Variants in TOP3A observed in about 807,000 individuals in gnomAD.
TOP3A encodes the protein DNA topoisomerase 3-alpha.
A neutral mutation model predicts 111.3 loss-of-function variants in TOP3A; 64 were observed. The ratio of observed to expected loss-of-function variants is 0.57; its 90% confidence interval spans 0.47 to 0.71. TOP3A has a LOEUF of 0.71. Among genes scored for constraint, TOP3A ranks in the 30% least tolerant of loss-of-function variants. The pLI, the probability that TOP3A is intolerant of heterozygous loss-of-function variation, is 0.00. For synonymous variants in TOP3A, 484 were observed against 485.1 expected, an observed-to-expected ratio of 1.00 and a Z score of 0.03; for missense variants, 1,104 against 1,285.0, an observed-to-expected ratio of 0.86 and a Z score of 2.15.
In TOP3A at chr17:18,290,865, G is replaced by C. The variant is rs1381813142; in HGVS notation, c.1444C>G (p.Pro482Ala). 1.9e-6 allele frequency: 3 copies of C among 1,614,058 alleles called. No homozygotes were observed. The highest frequency in any genetic ancestry group is 1.7e-6 in the Non-Finnish European group (2 of 1,180,046). The change falls in exon 12 of 19, where the codon CCA (proline) becomes GCA (alanine). Residue 482 changes from proline (P) to alanine (A), a missense_variant. Pro to Ala is a conservative substitution (Grantham distance 27). Transcript: ENST00000321105. ...ILARNYLDVY[P>A]YDHWSDKILP... ...ACCTTGTCACTCCAGTGATCATATG[G>C]ATACACATCCAGATAGTTTCGGGCC...
Position 18,300,810 on chromosome 17 carries a change from G to T in TOP3A, c.915+1075C>A, listed in dbSNP as rs528269229. Among the ~76,000 whole-genome samples the T allele has an allele frequency of 5.3e-5, 8 of 152,222 alleles. No homozygotes were observed. In the South Asian group the frequency reaches 1.7e-3, roughly 32 times the overall value. The stretch of plus-strand genomic sequence containing the variant: ...ACAAATAATTGTACAGTGTCACAGA[G>T]ACTCCCAGTGGTCCAGGGTCAAAGG... On this transcript the variant is annotated intron_variant, in intron 8 of 18. Coordinates refer to ENST00000321105, the MANE Select transcript of TOP3A (RefSeq NM_004618.5).
intron 4 of TOP3A, chr17:18,306,568 A>G (rs548489094): frequency 7.6e-5 from 16 of 209,650 alleles, no homozygotes; most frequent in Non-Finnish European, 1.4e-4. Flanking sequence ...GGGTCTCACT[A>G]TGTTGCCCAG....
Position 18,283,142 on chromosome 17 carries a change from G to A in TOP3A, c.1878-301C>T, listed in dbSNP as rs142948735. Reference sequence around the variant, plus strand: ...ACGCCTGTAATCCCAGGCCGAGGCGGGCGGATCACCTGAGGTTGTAATTTC... The same window carrying A: ...ACGCCTGTAATCCCAGGCCGAGGCGAGCGGATCACCTGAGGTTGTAATTTC... On this transcript the variant is annotated intron_variant, in intron 15 of 18. Transcript: ENST00000321105. 5.1e-3 allele frequency among the ~76,000 whole-genome samples: 780 copies of A among 152,282 alleles called. 7 individuals are homozygous for A. The highest frequency in any genetic ancestry group is 0.018 in the African/African-American group (759 of 41,552).
At chr17:18,288,859 A>G (rs1404613446) in intron 13 of TOP3A, among the ~76,000 whole-genome samples, 1 of 152,184 alleles carries the variant, frequency 6.6e-6, no homozygotes, top group Non-Finnish European at 1.5e-5. Flanking sequence ...TTGAGAACTT[A>G]AAAAATGAGG....
intron 17 of TOP3A, among the ~76,000 whole-genome samples, chr17:18,279,818 C>G (rs551815153): frequency 6.6e-6 from 1 of 152,316 alleles, no homozygotes; most frequent in African/African-American, 2.4e-5. Flanking sequence ...TCCTGACCAG[C>G]TTGGCCTATA....
At chr17:18,276,170 A>C (rs1979361892) in intron 18 of TOP3A, among the ~76,000 whole-genome samples, 1 of 152,194 alleles carries the variant, frequency 6.6e-6, no homozygotes, top group Admixed American at 6.5e-5. Context: ...AAACCCAAGC[A>C]AGCTGGCCTG....
chr17:18,275,609 G>A (rs1294611188), intron 18 of TOP3A, among the ~76,000 whole-genome samples: 2 of 151,640 alleles, frequency 1.3e-5, no homozygotes, highest in South Asian at 4.2e-4. Flanking sequence ...TGATCCGCCC[G>A]CCTTGGCCTC....
Position 18,273,462 on chromosome 17 carries a change from A to T in TOP3A, c.*1340T>A, listed in dbSNP as rs573097744. Reference sequence around the variant, plus strand: ...CTCAGTGCTTACCATGTGGAAAGGGAGGAAGGGCTCTCCACATGGGACACA... The same window carrying T: ...CTCAGTGCTTACCATGTGGAAAGGGTGGAAGGGCTCTCCACATGGGACACA... On this transcript the variant is annotated 3_prime_UTR_variant, in exon 19 of 19. Transcript: ENST00000321105. The T allele has an allele frequency of 2.6e-5, 4 of 152,182 alleles. No individual in the cohort carries two copies. The highest frequency in any genetic ancestry group is 5.9e-5 in the Non-Finnish European group (4 of 68,048). The allele number at this position is 152,182 out of a possible 1,614,324, so 9.4% of individuals were successfully genotyped here. A position where few individuals can be genotyped will look rare whatever the true frequency, so the allele number is the denominator to read the frequency against.
chr17:18,302,387 G>A lies in TOP3A; in HGVS notation c.691C>T (p.Pro231Ser), dbSNP rs1381198917. 1.3e-5 allele frequency: 21 copies of A among 1,613,312 alleles called. No homozygotes were observed. Among genetic ancestry groups the A allele is most frequent in the Non-Finnish European group, 1.8e-5 (21 of 1,179,978 alleles). ...FQTLRLQRIF[P>S]EVLAEQLISY... ...ATGAGCTGCTCTGCCAGCACCTCAG[G>A]AAAAATCCTCTGAAGCCGCAGGGTC... Residue 231 changes from proline to serine, a missense_variant, in exon 7 of 19, where the codon CCT becomes TCT. Coordinates refer to ENST00000321105, the MANE Select transcript of TOP3A (RefSeq NM_004618.5).
intron 7 of TOP3A, 35 bp from the exon 8 acceptor site, chr17:18,302,020 C>T: frequency 6.3e-7 from 1 of 1,586,882 alleles, no homozygotes. Flanking sequence ...AAGGCTGTGT[C>T]TCAGAGACAT....
intron 3 of TOP3A, among the ~76,000 whole-genome samples, chr17:18,307,762 T>G (rs1219737180): frequency 2.7e-5 from 4 of 150,406 alleles, no homozygotes; most frequent in African/African-American, 7.4e-5. Flanking sequence ...TAGAAAAAAT[T>G]AGCTGGGTGT....
intron 8 of TOP3A, 52 bp downstream of exon 8, chr17:18,301,833 G>A (rs375389585): frequency 5.8e-4 from 833 of 1,432,026 alleles, no homozygotes; most frequent in Non-Finnish European, 7.8e-4. Context: ...CCGACAGTGG[G>A]AGTGGTTTGG....
chr17:18,290,265 G>A (rs1980381921), intron 13 of TOP3A, among the ~76,000 whole-genome samples: 1 of 152,170 alleles, frequency 6.6e-6, no homozygotes, highest in Admixed American at 6.6e-5. Context: ...TGGCCAATGG[G>A]TGCTCCCAGT....
chr17:18,301,120 A>C (rs1981199087), intron 8 of TOP3A, among the ~76,000 whole-genome samples: 1 of 152,232 alleles, frequency 6.6e-6, no homozygotes, highest in Non-Finnish European at 1.5e-5. Context: ...TACAGCCAAG[A>C]AGCACACCAT....
chr17:18,306,507 T>C (rs1240159261), intron 4 of TOP3A: 5 of 177,160 alleles, frequency 2.8e-5, no homozygotes, highest in Admixed American at 5.6e-5. Context: ...GCTGGGACTA[T>C]AGGCATACAT....
At chr17:18,281,259 C>T (rs530265448) in intron 16 of TOP3A, among the ~76,000 whole-genome samples, 19 of 151,874 alleles carry the variant, frequency 1.3e-4, no homozygotes, top group South Asian at 2.1e-4. Flanking sequence ...CCTGGGTACA[C>T]TATGAAGGAA....
intron 1 of TOP3A, among the ~76,000 whole-genome samples, chr17:18,311,101 T>C (rs935146467): frequency 5.5e-5 from 8 of 144,876 alleles, no homozygotes; most frequent in African/African-American, 2.1e-4. Context: ...CCCGGGTTCA[T>C]GCCATTCTGC....
chr17:18,303,557 C>G (rs149794321), intron 5 of TOP3A, among the ~76,000 whole-genome samples: 1 of 152,124 alleles, frequency 6.6e-6, no homozygotes, highest in African/African-American at 2.4e-5. Flanking sequence ...GACATCACGG[C>G]GGCAATACTG....
At chr17:18,295,927 C>T (rs1367209788) in intron 9 of TOP3A, among the ~76,000 whole-genome samples, 1 of 151,960 alleles carries the variant, frequency 6.6e-6, no homozygotes, top group African/African-American at 2.4e-5. Flanking sequence ...GCCACCACGC[C>T]TGGCTGATTT....
Sources: allele counts gnomAD v4.1 joint callset (sites outside exome capture counted in the v4.1 genomes callset), GRCh38; gene constraint gnomAD v4.1.1; transcripts MANE v1.5; gene names NCBI Gene and HGNC (gene_info 2026-07-23, HGNC 2026-07-21).